GPR158: variants seen among roughly 807,000 people sequenced by gnomAD.
GPR158 encodes the protein metabotropic glycine receptor.
In GPR158, 30 loss-of-function variants were observed where a neutral mutation model predicts 78.2. The observed-to-expected ratio is 0.38, with a 90% confidence interval of 0.29 to 0.52. The LOEUF is 0.52. Among genes scored for constraint, GPR158 ranks in the 20% least tolerant of loss-of-function variants. The pLI is 0.83. For missense variants in GPR158, 1,463 were observed against 1,523.5 expected, an observed-to-expected ratio of 0.96 and a Z score of 0.66; for synonymous variants, 581 against 591.1, an observed-to-expected ratio of 0.98 and a Z score of 0.25.
chr10:25,565,992 G>A (rs1011047099), intron 6 of GPR158, among the ~76,000 whole-genome samples: 3 of 152,172 alleles, frequency 2.0e-5, no homozygotes, highest in South Asian at 2.1e-4. Context: ...TTACTAGAGC[G>A]AGAAACAAAG....
chr10:25,565,973 G>A (rs1031257593), intron 6 of GPR158, among the ~76,000 whole-genome samples: 4 of 152,156 alleles, frequency 2.6e-5, no homozygotes, highest in South Asian at 2.1e-4. Flanking sequence ...TATGTGTGGC[G>A]GGAAGATGTT....
At chr10:25,184,634 C>T (rs191848597) in intron 1 of GPR158, among the ~76,000 whole-genome samples, 64 of 152,234 alleles carry the variant, frequency 4.2e-4, no homozygotes, top group African/African-American at 1.4e-3. Flanking sequence ...ATTTTTCTCA[C>T]GTTATCTGGC....
intron 2 of GPR158, among the ~76,000 whole-genome samples, chr10:25,358,174 A>G (rs1855578980): frequency 6.6e-6 from 1 of 152,094 alleles, no homozygotes; most frequent in Admixed American, 6.6e-5. Flanking sequence ...CCCCCATTGT[A>G]TCAAGCAAGT....
At chr10:25,358,314 G>A (rs1439023689) in intron 2 of GPR158, among the ~76,000 whole-genome samples, 1 of 152,068 alleles carries the variant, frequency 6.6e-6, no homozygotes, top group Non-Finnish European at 1.5e-5. Flanking sequence ...CTGTTGGGAA[G>A]GAATGATTGG....
chr10:25,489,997 A>G (rs1341970525), intron 5 of GPR158, among the ~76,000 whole-genome samples: 7 of 152,198 alleles, frequency 4.6e-5, no homozygotes, highest in Admixed American at 4.6e-4. Flanking sequence ...TTCAACATTC[A>G]AAACTTTTTG....
At chr10:25,536,976 A>G (rs1487185502) in intron 5 of GPR158, among the ~76,000 whole-genome samples, 1 of 152,224 alleles carries the variant, frequency 6.6e-6, no homozygotes, top group Non-Finnish European at 1.5e-5. Flanking sequence ...CACTGTTCTA[A>G]GCCCCTTTTA....
chr10:25,190,369 G>A, intron 1 of GPR158, among the ~76,000 whole-genome samples: 1 of 151,892 alleles, frequency 6.6e-6, no homozygotes, highest in East Asian at 1.9e-4. Context: ...GTCTTACTTT[G>A]TCACCCAGGC....
intron 2 of GPR158, among the ~76,000 whole-genome samples, chr10:25,305,420 G>T (rs1313964418): frequency 6.6e-6 from 1 of 152,168 alleles, no homozygotes; most frequent in Non-Finnish European, 1.5e-5. Context: ...TCAAAGTGTG[G>T]ATGGGGACCA....
At chr10:25,269,838 A>G (rs1854093293) in intron 2 of GPR158, among the ~76,000 whole-genome samples, 1 of 152,200 alleles carries the variant, frequency 6.6e-6, no homozygotes, top group Non-Finnish European at 1.5e-5. Context: ...AAAAGTGTTC[A>G]TCCTTTAACG....
At chr10:25,569,828 A>G (rs1836980946) in intron 6 of GPR158, among the ~76,000 whole-genome samples, 1 of 152,206 alleles carries the variant, frequency 6.6e-6, no homozygotes, top group Non-Finnish European at 1.5e-5. Flanking sequence ...GCTATTTGCA[A>G]ACTTACTTCT....
In GPR158 at chr10:25,176,365, T is replaced by C; in HGVS notation, c.902+43T>C. 6.9e-7 allele frequency: 1 copy of C among 1,453,836 alleles called. No individual in the cohort carries two copies. The highest frequency in any genetic ancestry group is 9.3e-7 in the Non-Finnish European group (1 of 1,079,278). 90.1% of individuals were successfully genotyped at this position (1,453,836 alleles called of 1,614,324 possible). On this transcript the variant is annotated intron_variant, in intron 1 of 10. Transcript: ENST00000376351. The surrounding 1 kb of genome is among the most constrained non-coding windows in gnomAD (Gnocchi z 6.3). The stretch of plus-strand genomic sequence containing the variant: ...GCAGGGGGGAAGGCAAAAGCGAAGC[T>C]TTCCTTCCGGTCTTGTGGGTGGGTG...
chr10:25,241,372 C>CTCTTTTCTCTCTTCTCTTCTCTTCTCT (rs1554787300), intron 2 of GPR158, among the ~76,000 whole-genome samples: 1 of 102,950 alleles, frequency 9.7e-6, no homozygotes, highest in African/African-American at 5.5e-5. Context: ...CTTTTCTTTT[C>CTCTTTTCTCTCTTCTCTTCTCTTCTCT]TCTCTTCTCT....
chr10:25,295,282 T>G (rs1397495256), intron 2 of GPR158, among the ~76,000 whole-genome samples: 2 of 152,252 alleles, frequency 1.3e-5, no homozygotes, highest in East Asian at 3.8e-4. Context: ...TTGTCTTATG[T>G]GGTCTCCTAG....
chr10:25,351,875 A>G (rs993944995), intron 2 of GPR158, among the ~76,000 whole-genome samples: 1 of 151,524 alleles, frequency 6.6e-6, no homozygotes, highest in African/African-American at 2.4e-5. Context: ...TCCATTAGCT[A>G]TTCTTCCTGA....
At chr10:25,416,030 A>T (rs1754276) in intron 4 of GPR158, among the ~76,000 whole-genome samples, 1 of 151,938 alleles carries the variant, frequency 6.6e-6, no homozygotes, top group South Asian at 2.1e-4. Context: ...ATCTATTACA[A>T]ATTTTTAAAG....
At chr10:25,337,477 C>A (rs985982999) in intron 2 of GPR158, among the ~76,000 whole-genome samples, 1 of 152,018 alleles carries the variant, frequency 6.6e-6, no homozygotes, top group African/African-American at 2.4e-5. Context: ...TCTTGCGTAG[C>A]AATAGTAGTT....
At chr10:25,301,207 A>G (rs547018720) in intron 2 of GPR158, among the ~76,000 whole-genome samples, 54 of 152,312 alleles carry the variant, frequency 3.5e-4, no homozygotes, top group African/African-American at 1.2e-3. Context: ...GTTCAGAAAT[A>G]GTGTTATTCT....
chr10:25,491,447 G>T (rs1056485142), intron 5 of GPR158, among the ~76,000 whole-genome samples: 8 of 152,166 alleles, frequency 5.3e-5, no homozygotes, highest in African/African-American at 1.4e-4. Context: ...AAAAAAGAAT[G>T]AAGTATAAGC....
chr10:25,404,835 G>A (rs371904836), intron 3 of GPR158, among the ~76,000 whole-genome samples: 1 of 152,072 alleles, frequency 6.6e-6, no homozygotes, highest in East Asian at 1.9e-4. Flanking sequence ...CTTTAGGAGA[G>A]AACTGAGCAG....
Sources: gnomAD v4.1 joint callset for allele counts (sites outside exome capture counted in the v4.1 genomes callset) on GRCh38, gnomAD v4.1.1 for gene constraint, Gnocchi (gnomAD v3.1) non-coding constraint, MANE v1.5 for transcripts, NCBI Gene and HGNC (gene_info 2026-07-23, HGNC 2026-07-21) for gene names.